C3orf20: variants seen among roughly 807,000 people sequenced by gnomAD.
The protein encoded by C3orf20 is uncharacterized protein C3orf20.
C3orf20 carries 76 observed loss-of-function variants against 88.3 expected under a neutral mutation model. The ratio of observed to expected loss-of-function variants is 0.86; its 90% CI spans 0.72 to 1.04. C3orf20 has a LOEUF of 1.04. C3orf20 is among the 50% of genes least tolerant of loss of function. The pLI is 0.00. For missense variants in C3orf20, 1,056 were observed against 1,123.3 expected, an observed-to-expected ratio of 0.94 and a Z score of 0.86; for synonymous variants, 436 against 437.4, an observed-to-expected ratio of 1.00 and a Z score of 0.04.
chr3:14,737,526 T>C (rs2034756092), intron 12 of C3orf20, among the ~76,000 whole-genome samples: 1 of 152,228 alleles, frequency 6.6e-6, no homozygotes, highest in Non-Finnish European at 1.5e-5. Context: ...CATACCATAA[T>C]TTTAAAATAT....
In C3orf20 at chr3:14,772,995, G is replaced by T; in HGVS notation, c.*120G>T. 2.7e-6 allele frequency: 2 copies of T among 743,244 alleles called. No individual in the cohort carries two copies. The highest frequency in any genetic ancestry group is 4.7e-6 in the Non-Finnish European group (2 of 425,856). The allele number at this position is 743,244 out of a possible 1,614,324, so 46.0% of individuals were successfully genotyped here. On this transcript the variant is annotated 3_prime_UTR_variant, in exon 17 of 17. Coordinates refer to ENST00000253697, the MANE Select transcript of C3orf20 (RefSeq NM_032137.5). The surrounding 1 kb of genome is among the most constrained non-coding windows in gnomAD (Gnocchi z 4.2). ...TCCTCCAAGCTTCTATAATAAACCA[G>T]CGGGCCTCCAGCATTGGGGTGAGGC... is the stretch of plus-strand genomic sequence containing the variant.
chr3:14,753,285 C>T (rs1559441166), intron 12 of C3orf20, among the ~76,000 whole-genome samples: 1 of 152,080 alleles, frequency 6.6e-6, no homozygotes, highest in South Asian at 2.1e-4. Flanking sequence ...GGGAGTTGAA[C>T]AATGAGAACA....
chr3:14,726,880 C>T (rs1237074564), intron 10 of C3orf20, 21 bp from the exon 11 acceptor site: 2 of 1,613,580 alleles, frequency 1.2e-6, no homozygotes, highest in South Asian at 2.2e-5. Context: ...GACACCCGCC[C>T]TCCCCTTTGC....
At chr3:14,705,485 C>A (rs942799904) in intron 7 of C3orf20, among the ~76,000 whole-genome samples, 1 of 152,152 alleles carries the variant, frequency 6.6e-6, no homozygotes, top group Admixed American at 6.5e-5. Context: ...GTTAATAGAC[C>A]ATTTGTACTT....
intron 10 of C3orf20, among the ~76,000 whole-genome samples, chr3:14,726,629 A>C (rs1369120148): frequency 1.3e-5 from 2 of 152,142 alleles, no homozygotes; most frequent in East Asian, 1.9e-4. Context: ...TTCCATCTTC[A>C]AGCTGCATTG....
At chr3:14,681,960 G>T (rs943256257) in intron 1 of C3orf20, among the ~76,000 whole-genome samples, 1 of 152,148 alleles carries the variant, frequency 6.6e-6, no homozygotes, top group East Asian at 1.9e-4. Context: ...ATTTATTATA[G>T]TCCATTGATT....
At chr3:14,688,138 ACT>A (rs2124900185) in intron 4 of C3orf20, among the ~76,000 whole-genome samples, 1 of 152,168 alleles carries the variant, frequency 6.6e-6, no homozygotes, top group Admixed American at 6.5e-5. Context: ...GAAGATTCAA[ACT>A]CTGATGATTT....
intron 12 of C3orf20, among the ~76,000 whole-genome samples, chr3:14,745,833 A>G (rs2035043302): frequency 6.6e-6 from 1 of 152,220 alleles, no homozygotes; most frequent in Non-Finnish European, 1.5e-5. Context: ...CATACAACAT[A>G]TACATAATAT....
chr3:14,693,928 TC>T (rs955890444), intron 5 of C3orf20, among the ~76,000 whole-genome samples: 39 of 152,366 alleles, frequency 2.6e-4, no homozygotes, highest in Middle Eastern at 3.4e-3. Context: ...CAAATGCTTT[TC>T]CAGTATCAGT....
At chr3:14,758,663 G>A (rs1042698203) in intron 13 of C3orf20, among the ~76,000 whole-genome samples, 4 of 152,166 alleles carry the variant, frequency 2.6e-5, no homozygotes, top group African/African-American at 4.8e-5. Context: ...TGGGTTTCAT[G>A]TACACCAGGG....
intron 12 of C3orf20, among the ~76,000 whole-genome samples, chr3:14,747,894 G>A (rs1387730939): frequency 1.3e-5 from 2 of 151,800 alleles, no homozygotes; most frequent in Admixed American, 1.3e-4. Flanking sequence ...TCAAACTTTT[G>A]TTTGCTGGTA....
At chr3:14,712,895 T>A (rs2033806133) in intron 7 of C3orf20, among the ~76,000 whole-genome samples, 1 of 152,212 alleles carries the variant, frequency 6.6e-6, no homozygotes, top group Non-Finnish European at 1.5e-5. Flanking sequence ...TTTCTTCATT[T>A]TTGAAGAATA....
At chr3:14,742,921 C>A (rs1378843691) in intron 12 of C3orf20, among the ~76,000 whole-genome samples, 1 of 152,048 alleles carries the variant, frequency 6.6e-6, no homozygotes, top group Non-Finnish European at 1.5e-5. Flanking sequence ...ATTACCTCCC[C>A]ACTGGGTCCC....
chr3:14,707,319 A>G (rs1275906394), intron 7 of C3orf20, among the ~76,000 whole-genome samples: 1 of 150,050 alleles, frequency 6.7e-6, no homozygotes, highest in Non-Finnish European at 1.5e-5. Context: ...ATTGATTAGC[A>G]CTTGGCAGCT....
chr3:14,725,281 T>A lies in C3orf20; in HGVS notation c.1567-1620T>A, dbSNP rs552127077. On this transcript the variant is annotated intron_variant, in intron 10 of 16. Transcript: ENST00000253697. ...TGGACCGTGAGAGCTGCAAGGAGCT[T>A]CCAAGAAAATGTGCCGAGTGTTGGG... Among the ~76,000 whole-genome samples the A allele has an allele frequency of 6.2e-4, 95 of 152,232 alleles. 1 individual carries two copies. In the South Asian group the frequency reaches 6.8e-3, roughly 11 times the overall value.
chr3:14,728,661 T>C lies in C3orf20; in HGVS notation c.1913T>C (p.Ile638Thr), dbSNP rs1433530659. The C allele has an allele frequency of 6.2e-7, 1 of 1,613,772 alleles. No homozygotes were observed. The highest frequency in any genetic ancestry group is 8.5e-7 in the Non-Finnish European group (1 of 1,180,036). The change falls in exon 12 of 17, where the codon ATC (isoleucine) becomes ACC (threonine). Residue 638 changes from isoleucine to threonine, a missense_variant. Transcript: ENST00000253697. ...AGCCCAGTTCGGAAGACCACCAAAA[T>C]CCACACCAAAGCCAAGGTCACATCC... is the stretch of plus-strand genomic sequence containing the variant. ...PVSPVRKTTKIHTKAKVTSRG... is the reference protein window; with the variant it reads ...PVSPVRKTTKTHTKAKVTSRG...
intron 9 of C3orf20, among the ~76,000 whole-genome samples, chr3:14,719,464 G>A (rs2034068588): frequency 6.6e-6 from 1 of 152,176 alleles, no homozygotes; most frequent in South Asian, 2.1e-4. Flanking sequence ...ACTCCATGAC[G>A]GATTATGTGT....
intron 1 of C3orf20, among the ~76,000 whole-genome samples, chr3:14,675,720 G>C (rs550567291): frequency 1.3e-4 from 20 of 151,846 alleles, no homozygotes; most frequent in African/African-American, 4.8e-4. Flanking sequence ...TTTATTTTTG[G>C]AGATGGAGTC....
intron 12 of C3orf20, among the ~76,000 whole-genome samples, chr3:14,744,604 A>G (rs957055858): frequency 6.6e-6 from 1 of 151,878 alleles, no homozygotes; most frequent in Non-Finnish European, 1.5e-5. Flanking sequence ...ATAAAAACAT[A>G]CTCGAAACTG....
Sources: allele counts gnomAD v4.1 joint callset (sites outside exome capture counted in the v4.1 genomes callset), GRCh38; gene constraint gnomAD v4.1.1; non-coding constraint Gnocchi (gnomAD v3.1); transcripts MANE v1.5; gene names NCBI Gene and HGNC (gene_info 2026-07-23, HGNC 2026-07-21).